Variants in KCNIP4 observed in about 807,000 individuals in gnomAD.
KCNIP4 encodes the protein potassium voltage-gated channel interacting protein 4, also known as Kv channel-interacting protein 4.
A neutral mutation model predicts 34.0 loss-of-function variants in KCNIP4; 12 were observed. The observed-to-expected ratio is 0.35, with a 90% CI of 0.23 to 0.57. The LOEUF (loss-of-function observed/expected upper bound fraction) is 0.57. KCNIP4 is among the 20% of genes least tolerant of loss of function. The pLI is 0.83. For synonymous variants in KCNIP4, 124 were observed against 102.2 expected, an observed-to-expected ratio of 1.21 and a Z score of -1.29; for missense variants, 238 against 311.7, an observed-to-expected ratio of 0.76 and a Z score of 1.78.
chr4:21,873,266 T>C (rs555944603), intron 1 of KCNIP4, among the ~76,000 whole-genome samples: 1 of 152,184 alleles, frequency 6.6e-6, no homozygotes, highest in Non-Finnish European at 1.5e-5. Context: ...TTTCCTCTCA[T>C]AGAAAAGGAG....
At chr4:21,783,129 T>G (rs542518607) in intron 1 of KCNIP4, among the ~76,000 whole-genome samples, 1 of 152,204 alleles carries the variant, frequency 6.6e-6, no homozygotes, top group African/African-American at 2.4e-5. Context: ...TAAAATGACA[T>G]AGAACTACAT....
At chr4:21,054,125 G>A (rs1743185547) in intron 1 of KCNIP4, among the ~76,000 whole-genome samples, 1 of 152,068 alleles carries the variant, frequency 6.6e-6, no homozygotes, top group Admixed American at 6.6e-5. Flanking sequence ...AGTTTATATG[G>A]AGAGGCAAAA....
chr4:21,476,488 A>G lies in KCNIP4; in HGVS notation c.61+472083T>C, dbSNP rs371807010. On this transcript the variant is annotated intron_variant, in intron 1 of 8. Coordinates refer to ENST00000382152, the MANE Select transcript of KCNIP4 (RefSeq NM_025221.6). ...TTCTCCCCTAAGGCCCCATGTGAGG[A>G]TTTAGTGAAAAGGTGGCTGTCTGCA... Among the ~76,000 whole-genome samples, 12 of 152,230 alleles carry G rather than the reference A, an allele frequency of 7.9e-5. No individual in the cohort carries two copies. The East Asian group carries it at 2.3e-3, about 29-fold the overall frequency.
rs117549705 is a variant in KCNIP4 at position 21,473,232 on chromosome 4, C to T, written c.61+475339G>A. 8.8e-4 allele frequency among the ~76,000 whole-genome samples: 134 copies of T among 152,282 alleles called. 1 individual carries two copies. In the East Asian group the frequency reaches 0.02, roughly 22 times the overall value. On this transcript the variant is annotated intron_variant, in intron 1 of 8. Transcript: ENST00000382152. ...AGGATTTGGGGACCATTTGTTACTGCAGCATAACCCAACTTTTCTGAAAAA... is the reference window on the plus strand; with the variant it reads ...AGGATTTGGGGACCATTTGTTACTGTAGCATAACCCAACTTTTCTGAAAAA...
At chr4:21,928,125 T>TAC (rs1186794959) in intron 1 of KCNIP4, among the ~76,000 whole-genome samples, 8,051 of 124,350 alleles carry the variant, frequency 0.065, 760 homozygotes, top group African/African-American at 0.2. Context: ...TATATATATA[T>TAC]ATACACACAC....
intron 1 of KCNIP4, among the ~76,000 whole-genome samples, chr4:21,362,579 T>C (rs1314384229): frequency 1.3e-5 from 2 of 152,052 alleles, no homozygotes; most frequent in African/African-American, 2.4e-5. Flanking sequence ...ATGAATACCT[T>C]CCTCTTGGGG....
chr4:20,999,457 A>C (rs1347813506), intron 1 of KCNIP4, among the ~76,000 whole-genome samples: 1 of 45,568 alleles, frequency 2.2e-5, no homozygotes, highest in Non-Finnish European at 4.5e-5. Context: ...TTTTTTTTTT[A>C]TCTTGAGAGC....
At chr4:21,856,678 A>C (rs1301104745) in intron 1 of KCNIP4, among the ~76,000 whole-genome samples, 1 of 151,960 alleles carries the variant, frequency 6.6e-6, no homozygotes, top group African/African-American at 2.4e-5. Flanking sequence ...TGTGGCTGTA[A>C]ATCTGAGCAT....
chr4:21,902,143 C>T (rs923034277), intron 1 of KCNIP4, among the ~76,000 whole-genome samples: 1 of 151,898 alleles, frequency 6.6e-6, no homozygotes, highest in Non-Finnish European at 1.5e-5. Context: ...AAATTTCTGC[C>T]AAGAGGGAAG....
At chr4:21,791,744 G>A (rs1052754569) in intron 1 of KCNIP4, among the ~76,000 whole-genome samples, 1 of 152,024 alleles carries the variant, frequency 6.6e-6, no homozygotes, top group Non-Finnish European at 1.5e-5. Flanking sequence ...TCTCATGCCT[G>A]TAATCCCAGC....
intron 1 of KCNIP4, among the ~76,000 whole-genome samples, chr4:21,038,822 CT>C (rs557388775): frequency 1.3e-5 from 2 of 152,286 alleles, no homozygotes; most frequent in African/African-American, 4.8e-5. Flanking sequence ...TGTTAATTTG[CT>C]CACTCCAGTA....
chr4:21,157,471 G>T (rs1027024389), intron 1 of KCNIP4, among the ~76,000 whole-genome samples: 6 of 151,522 alleles, frequency 4.0e-5, no homozygotes, highest in Non-Finnish European at 8.8e-5. Context: ...AACCAAACAG[G>T]CAAAATATAT....
intron 1 of KCNIP4, among the ~76,000 whole-genome samples, chr4:21,202,054 T>C (rs1417059418): frequency 6.6e-6 from 1 of 152,134 alleles, no homozygotes; most frequent in Non-Finnish European, 1.5e-5. Flanking sequence ...TGGAGAGCAG[T>C]TGGAGATTTC....
At chr4:21,851,736 T>G (rs572333689) in intron 1 of KCNIP4, 1 of 152,224 alleles carries the variant, frequency 6.6e-6, no homozygotes, top group African/African-American at 2.4e-5. Context: ...AAAAGCTATA[T>G]ATACCACGTA....
intron 1 of KCNIP4, among the ~76,000 whole-genome samples, chr4:21,286,886 C>A (rs1263166605): frequency 6.6e-6 from 1 of 152,068 alleles, no homozygotes; most frequent in East Asian, 1.9e-4. Flanking sequence ...TTCCATGCAC[C>A]CTAGGGCTTA....
intron 1 of KCNIP4, among the ~76,000 whole-genome samples, chr4:21,600,670 C>A (rs1284195894): frequency 6.6e-6 from 1 of 152,064 alleles, no homozygotes; most frequent in African/African-American, 2.4e-5. Flanking sequence ...AGAATCTTGA[C>A]CTAGTACTGG....
At position 21,517,537 on chromosome 4, in the gene KCNIP4, G is replaced by C. The variant is rs191239885; in HGVS notation, c.61+431034C>G. The stretch of plus-strand genomic sequence containing the variant: ...TTTGTAAAAGAAATAAAACCGTCTT[G>C]TGTTTATGCTCCAATGAATCGAGGT... On this transcript the variant is annotated intron_variant, in intron 1 of 8. Coordinates refer to ENST00000382152, the MANE Select transcript of KCNIP4 (RefSeq NM_025221.6). 2.6e-3 allele frequency among the ~76,000 whole-genome samples: 398 copies of C among 152,266 alleles called. 4 individuals carry two copies. The highest frequency in any genetic ancestry group is 9.1e-3 in the African/African-American group (378 of 41,558).
chr4:21,334,672 C>T (rs887582958), intron 1 of KCNIP4, among the ~76,000 whole-genome samples: 4 of 151,954 alleles, frequency 2.6e-5, no homozygotes, highest in South Asian at 2.1e-4. Context: ...CAGTAACAGC[C>T]GTTCACACCC....
chr4:21,115,855 T>C (rs1749629587), intron 1 of KCNIP4, among the ~76,000 whole-genome samples: 1 of 152,234 alleles, frequency 6.6e-6, no homozygotes, highest in African/African-American at 2.4e-5. Flanking sequence ...AAATAGATAT[T>C]TGATATTATT....
Sources: gnomAD v4.1 joint callset for allele counts (sites outside exome capture counted in the v4.1 genomes callset) on GRCh38, gnomAD v4.1.1 for gene constraint, MANE v1.5 for transcripts, NCBI Gene and HGNC (gene_info 2026-07-23, HGNC 2026-07-21) for gene names.